SNX29: variants seen among roughly 807,000 people sequenced by gnomAD.
SNX29 encodes the protein sorting nexin 29.
SNX29 carries 78 observed loss-of-function variants against 102.1 expected under a neutral mutation model. The observed-to-expected ratio is 0.76, with a 90% CI of 0.64 to 0.92. The LOEUF is 0.92. Among genes scored for constraint, SNX29 ranks in the 40% least tolerant of loss-of-function variants. The pLI is 0.00. For missense variants in SNX29, 1,280 were observed against 1,061.7 expected, an observed-to-expected ratio of 1.21 and a Z score of -2.86; for synonymous variants, 580 against 414.5, an observed-to-expected ratio of 1.40 and a Z score of -4.85.
chr16:12,287,947 T>C (rs1045226102), intron 15 of SNX29, among the ~76,000 whole-genome samples: 3 of 152,228 alleles, frequency 2.0e-5, no homozygotes, highest in Non-Finnish European at 4.4e-5. Context: ...TGTTAGGTTT[T>C]TCATGGCATT....
intron 18 of SNX29, among the ~76,000 whole-genome samples, chr16:12,426,061 AT>A (rs34518783): frequency 0.075 from 11,368 of 151,984 alleles, 473 homozygotes; most frequent in South Asian, 0.16. Context: ...GACAAAAAAA[AT>A]ATTTGGTTTT....
intron 18 of SNX29, among the ~76,000 whole-genome samples, chr16:12,408,980 A>G (rs2084284360): frequency 6.6e-6 from 1 of 152,200 alleles, no homozygotes; most frequent in Non-Finnish European, 1.5e-5. Flanking sequence ...GTTGAATGCA[A>G]ATTATTGCAA....
intron 15 of SNX29, among the ~76,000 whole-genome samples, chr16:12,337,817 C>G (rs935168076): frequency 6.6e-6 from 1 of 152,104 alleles, no homozygotes; most frequent in South Asian, 2.1e-4. Context: ...TCAGCATCTT[C>G]CCTCATCATC....
chr16:12,456,077 C>G (rs2086526803), intron 18 of SNX29, among the ~76,000 whole-genome samples: 1 of 152,200 alleles, frequency 6.6e-6, no homozygotes, highest in Non-Finnish European at 1.5e-5. Flanking sequence ...TTTGTTCATT[C>G]ATTCATTCAT....
chr16:12,111,045 C>T (rs2053482178), intron 11 of SNX29, among the ~76,000 whole-genome samples: 1 of 152,104 alleles, frequency 6.6e-6, no homozygotes, highest in African/African-American at 2.4e-5. Context: ...CTCCTAGCCT[C>T]AAGTGATCCT....
In SNX29 at chr16:12,573,892, T is replaced by C. The variant is rs1598146849; in HGVS notation, c.*5263T>C. 21 of 205,968 alleles carry C rather than the reference T, an allele frequency of 1.0e-4. No individual in the cohort carries two copies. In the East Asian group the frequency reaches 1.5e-3, roughly 15 times the overall value. 12.8% of individuals were successfully genotyped at this position (205,968 alleles called of 1,614,324 possible). ...CTTCATCCCTGGCTTAGCCGTCAGG[T>C]AGAACGCTTACTCACCTGACACCGA... is the stretch of plus-strand genomic sequence containing the variant. On this transcript the variant is annotated 3_prime_UTR_variant, in exon 21 of 21. Transcript: ENST00000566228.
chr16:12,533,243 C>G (rs1240541156), intron 20 of SNX29, among the ~76,000 whole-genome samples: 1 of 152,250 alleles, frequency 6.6e-6, no homozygotes, highest in East Asian at 1.9e-4. Context: ...CAAAGGGCAG[C>G]TGATTCTCCT....
At chr16:12,271,403 G>C (rs779787067) in intron 14 of SNX29, among the ~76,000 whole-genome samples, 1 of 152,152 alleles carries the variant, frequency 6.6e-6, no homozygotes, top group South Asian at 2.1e-4. Context: ...AACAAGAAAG[G>C]CAACCTCACA....
Position 12,553,471 on chromosome 16 carries a change from C to G in SNX29, c.2319-15035C>G, listed in dbSNP as rs191726005. Among the ~76,000 whole-genome samples the G allele has an allele frequency of 3.2e-3, 493 of 152,222 alleles. 6 individuals carry two copies. The highest frequency in any genetic ancestry group is 0.011 in the African/African-American group (442 of 41,522). On this transcript the variant is annotated intron_variant, in intron 20 of 20. Transcript: ENST00000566228. ...TGGTGTAGACCAGCTCAGACCAGCC[C>G]CAGCTGCTTAGACCAGGCAGGGCAG...
intron 19 of SNX29, chr16:12,515,628 C>G (rs1024457814): frequency 2.1e-6 from 1 of 485,926 alleles, no homozygotes; most frequent in African/African-American, 2.0e-5. Context: ...AGGTGCCTTC[C>G]TGTCCTAGCC....
At chr16:12,364,182 T>TGTTAC (rs2082388052) in intron 16 of SNX29, among the ~76,000 whole-genome samples, 1 of 150,486 alleles carries the variant, frequency 6.6e-6, no homozygotes, top group Non-Finnish European at 1.5e-5. Flanking sequence ...TGTTATGTTA[T>TGTTAC]GTTATGTTAT....
chr16:12,553,333 G>A (rs1234723978), intron 20 of SNX29, among the ~76,000 whole-genome samples: 1 of 152,232 alleles, frequency 6.6e-6, no homozygotes, highest in African/African-American at 2.4e-5. Flanking sequence ...TAACAAGGCA[G>A]GCAGAGAAAC....
At chr16:12,339,621 C>T (rs2081555425) in intron 15 of SNX29, among the ~76,000 whole-genome samples, 1 of 152,174 alleles carries the variant, frequency 6.6e-6, no homozygotes, top group Admixed American at 6.5e-5. Context: ...ATGTTCTCTT[C>T]CTGCTGTTGC....
chr16:12,376,174 C>A (rs1377972631), intron 16 of SNX29: 2 of 152,264 alleles, frequency 1.3e-5, no homozygotes, highest in Non-Finnish European at 2.9e-5. Flanking sequence ...GAACCGGAGC[C>A]ACGGGGTCTG....
intron 1 of SNX29, among the ~76,000 whole-genome samples, chr16:11,978,045 T>A (rs2055341204): frequency 6.6e-6 from 1 of 152,220 alleles, no homozygotes; most frequent in Admixed American, 6.5e-5. Flanking sequence ...ATTTTAACTT[T>A]TAAAGTTATC....
At chr16:12,267,707 C>T (rs1446919573) in intron 14 of SNX29, among the ~76,000 whole-genome samples, 4 of 152,170 alleles carry the variant, frequency 2.6e-5, no homozygotes, top group African/African-American at 9.7e-5. Flanking sequence ...CCGCATTCCT[C>T]GCAATGGAAC....
chr16:12,327,731 G>A (rs1309563134), intron 15 of SNX29, among the ~76,000 whole-genome samples: 1 of 126,590 alleles, frequency 7.9e-6, no homozygotes, highest in Non-Finnish European at 1.8e-5. Flanking sequence ...GAGCCGGAGA[G>A]AGACAGAGAG....
chr16:12,510,308 T>C (rs904275270), intron 19 of SNX29, among the ~76,000 whole-genome samples: 2 of 152,134 alleles, frequency 1.3e-5, no homozygotes, highest in African/African-American at 4.8e-5. Flanking sequence ...GATACAGGGA[T>C]GAGGTGGACC....
chr16:12,076,666 T>A (rs350243), intron 10 of SNX29, among the ~76,000 whole-genome samples: 1 of 151,952 alleles, frequency 6.6e-6, no homozygotes, highest in African/African-American at 2.4e-5. Flanking sequence ...GTGGCAGAAC[T>A]GAAATGGACA....
Sources: gnomAD v4.1 joint callset for allele counts (sites outside exome capture counted in the v4.1 genomes callset) on GRCh38, gnomAD v4.1.1 for gene constraint, MANE v1.5 for transcripts, NCBI Gene and HGNC (gene_info 2026-07-23, HGNC 2026-07-21) for gene names.